The following DCK variants were observed in gnomAD, a reference collection of about 807,000 sequenced individuals.
DCK encodes deoxycytidine kinase.
Under a neutral mutation model 38.3 loss-of-function variants are expected in DCK, and 23 were observed. That is an observed-to-expected ratio of 0.60 (90% CI 0.43 to 0.85). The LOEUF (loss-of-function observed/expected upper bound fraction) is 0.85, where lower values mean the gene tolerates loss of function less well. Among genes scored for constraint, DCK ranks in the 40% least tolerant of loss-of-function variants. The pLI is 0.00. For synonymous variants in DCK, 108 were observed against 100.6 expected (o/e 1.07, Z -0.44); for missense variants, 259 against 304.4 (o/e 0.85, Z 1.11).
At chr4:71,001,669 T>C (rs149292410) in intron 2 of DCK, among the ~76,000 whole-genome samples, 2,096 of 152,274 alleles carry the variant, frequency 0.014, 38 homozygotes, top group Middle Eastern at 0.051. Context: ...GAACTTTTTA[T>C]TGGTCTGTTC....
chr4:71,026,866 C>T, intron 6 of DCK, 111 bp downstream of exon 6: 1 of 586,980 alleles, frequency 1.7e-6, no homozygotes, highest in Middle Eastern at 2.8e-4. Flanking sequence ...CATTAAGAAA[C>T]AGTTAAGAGC....
chr4:71,000,022 T>C (rs1739763056), intron 2 of DCK, among the ~76,000 whole-genome samples: 1 of 152,188 alleles, frequency 6.6e-6, no homozygotes, highest in African/African-American at 2.4e-5. Flanking sequence ...AGCTCCTTAG[T>C]TTAATTAGAT....
chr4:71,022,048 T>G (rs1186320200), intron 2 of DCK, among the ~76,000 whole-genome samples: 1 of 152,118 alleles, frequency 6.6e-6, no homozygotes, highest in African/African-American at 2.4e-5. Context: ...TTATGTGAAA[T>G]TATTTAGCTT....
chr4:71,010,731 G>A (rs1374396027), intron 2 of DCK, among the ~76,000 whole-genome samples: 5 of 147,254 alleles, frequency 3.4e-5, no homozygotes, highest in Non-Finnish European at 6.0e-5. Context: ...TATATTTATG[G>A]TATGCAACAT....
At chr4:71,026,591 G>A (rs904382968) in intron 5 of DCK, 74 bp from the exon 6 acceptor site, 8 of 782,888 alleles carry the variant, frequency 1.0e-5, no homozygotes, top group Admixed American at 6.5e-5. Flanking sequence ...AAGGACATAC[G>A]AATGAATTTT....
intron 2 of DCK, among the ~76,000 whole-genome samples, chr4:71,012,615 C>T (rs544522768): frequency 9.9e-5 from 15 of 152,268 alleles, no homozygotes; most frequent in Admixed American, 3.9e-4. Flanking sequence ...CAGCAGTATT[C>T]GCTGTTCTGC....
In DCK at chr4:71,016,024, T is replaced by C. The variant is rs569262309; in HGVS notation, c.208-6343T>C. ...GTTTGCAGATGACATGATTGTATAT[T>C]TAGAAAACCCCATCGTCTCAGCCCA... On this transcript the variant is annotated intron_variant, in intron 2 of 6. Transcript: ENST00000286648. Among the ~76,000 whole-genome samples the C allele has an allele frequency of 9.8e-3, 1,486 of 152,228 alleles. 32 individuals carry two copies. The highest frequency in any genetic ancestry group is 0.034 in the African/African-American group (1,418 of 41,520).
chr4:71,002,159 T>TG, intron 2 of DCK, among the ~76,000 whole-genome samples: 1 of 152,360 alleles, frequency 6.6e-6, no homozygotes, highest in Non-Finnish European at 1.5e-5. Context: ...CCAGAGATTG[T>TG]GGTACGTTAT....
chr4:70,993,879 G>C lies in DCK; in HGVS notation c.44G>C (p.Ser15Thr). The change falls in exon 1 of 7, where the codon AGC becomes ACC. Residue 15 changes from serine to threonine, a missense_variant. Ser to Thr is a moderately conservative substitution (Grantham distance 58). Around this residue, in one of 3 missense-constraint regions of DCK, gnomAD observed 159 missense variants for 159.0 expected, o/e 1.00. Transcript: ENST00000286648. ...PKRSCPSFSA[S>T]SEGTRIKKIS... ...AGAAGCTGCCCGTCTTTCTCAGCCA[G>C]CTCTGAGGGGACCCGCATCAAGAAA... The C allele has an allele frequency of 3.7e-6, 6 of 1,614,104 alleles. No individual in the cohort carries two copies. The highest frequency in any genetic ancestry group is 5.1e-6 in the Non-Finnish European group (6 of 1,179,958).
intron 2 of DCK, among the ~76,000 whole-genome samples, chr4:71,018,480 G>T (rs1189253985): frequency 6.6e-6 from 1 of 151,872 alleles, no homozygotes; most frequent in Non-Finnish European, 1.5e-5. Context: ...TGGGCCAAAA[G>T]GTACAGGTTT....
At chr4:71,010,358 A>G (rs1302273903) in intron 2 of DCK, among the ~76,000 whole-genome samples, 1 of 151,610 alleles carries the variant, frequency 6.6e-6, no homozygotes, top group African/African-American at 2.4e-5. Context: ...CTTGGTATGG[A>G]ACGTTTTTAA....
chr4:71,030,065 TTTTAAG>T lies in DCK; in HGVS notation c.*691_*696del, dbSNP rs1211252360. The T allele has an allele frequency of 6.6e-6, 1 of 152,640 alleles. No individual in the cohort carries two copies. The highest frequency in any genetic ancestry group is 2.4e-5 in the African/African-American group (1 of 41,456). The allele number at this position is 152,640 out of a possible 1,614,324, so 9.5% of individuals were successfully genotyped here. A position where few individuals can be genotyped will look rare whatever the true frequency, so the allele number is the denominator to read the frequency against. ...TTTGCTTTGCTTTGTAGGGTTCTGCTTTTAAGTTTTTCTCTTTTTCAGACAAATTAC... is the reference window on the plus strand; with the variant it reads ...TTTGCTTTGCTTTGTAGGGTTCTGCTTTTTTCTCTTTTTCAGACAAATTAC... On this transcript the variant is annotated 3_prime_UTR_variant, in exon 7 of 7. Coordinates refer to ENST00000286648, the MANE Select transcript of DCK (RefSeq NM_000788.3).
At chr4:71,001,195 A>G (rs1739793176) in intron 2 of DCK, among the ~76,000 whole-genome samples, 1 of 152,172 alleles carries the variant, frequency 6.6e-6, no homozygotes, top group Non-Finnish European at 1.5e-5. Flanking sequence ...TTTAGCATGA[A>G]GGGATGTTGA....
intron 2 of DCK, among the ~76,000 whole-genome samples, chr4:71,008,079 A>G (rs1739994292): frequency 6.6e-6 from 1 of 152,090 alleles, no homozygotes; most frequent in Non-Finnish European, 1.5e-5. Flanking sequence ...TATACCTTTA[A>G]TTGATTTTTG....
At chr4:71,025,382 G>GTTTT (rs1578430550) in intron 4 of DCK, among the ~76,000 whole-genome samples, 1 of 152,174 alleles carries the variant, frequency 6.6e-6, no homozygotes, top group East Asian at 1.9e-4. Context: ...TGCTGATATA[G>GTTTT]AGTTTTCATC....
At chr4:71,009,352 A>G (rs1740030634) in intron 2 of DCK, among the ~76,000 whole-genome samples, 1 of 152,228 alleles carries the variant, frequency 6.6e-6, no homozygotes, top group African/African-American at 2.4e-5. Flanking sequence ...ATATAAGACA[A>G]GACAATTTAT....
At chr4:71,028,915 GC>G (rs1437798711) in intron 6 of DCK, among the ~76,000 whole-genome samples, 5 of 152,184 alleles carry the variant, frequency 3.3e-5, no homozygotes, top group African/African-American at 2.4e-5. Context: ...GTGCCACTAT[GC>G]CCGGCTAATT....
In DCK at chr4:70,993,870, TC is replaced by T. The variant is rs1318334272; in HGVS notation, c.36del (p.Ser13GlnfsTer26). The T allele has an allele frequency of 1.1e-5, 18 of 1,613,874 alleles. No individual in the cohort carries two copies. The highest frequency in any genetic ancestry group is 1.5e-5 in the Non-Finnish European group (18 of 1,179,926). ...ATPPKRSCPS[F>X]SASSEGTRIK... Reference sequence around the variant, plus strand: ...CCGCCCAAGAGAAGCTGCCCGTCTTTCTCAGCCAGCTCTGAGGGGACCCGCA... The same window carrying T: ...CCGCCCAAGAGAAGCTGCCCGTCTTTTCAGCCAGCTCTGAGGGGACCCGCA... On this transcript the variant is annotated frameshift_variant, in exon 1 of 7. Transcript: ENST00000286648. LOFTEE classifies it high-confidence loss of function.
chr4:71,020,482 GTGT>G (rs1740388021), intron 2 of DCK, among the ~76,000 whole-genome samples: 1 of 152,150 alleles, frequency 6.6e-6, no homozygotes, highest in Non-Finnish European at 1.5e-5. Context: ...ATATTAGTAG[GTGT>G]TGTAAAAGGT....
Sources: allele counts gnomAD v4.1 joint callset (sites outside exome capture counted in the v4.1 genomes callset), GRCh38; gene constraint gnomAD v4.1.1; regional missense constraint gnomAD v4.1.1; transcripts MANE v1.5; gene names NCBI Gene and HGNC (gene_info 2026-07-23, HGNC 2026-07-21).